LRP1B: variants seen among roughly 807,000 people sequenced by gnomAD.
LRP1B encodes LDL receptor related protein 1B.
LRP1B carries 217 observed loss-of-function variants against 556.6 expected under a neutral mutation model. That is an observed-to-expected ratio of 0.39 (90% confidence interval 0.35 to 0.44). LRP1B has a LOEUF of 0.44. Ranked by LOEUF, LRP1B falls within the 20% of genes least tolerant of loss-of-function variation. LRP1B has a pLI of 1.00. For synonymous variants in LRP1B, 2,047 were observed against 1,865.8 expected (o/e 1.10, Z -2.50); for missense variants, 5,053 against 5,620.8 (o/e 0.90, Z 3.23).
At chr2:140,841,883 C>T (rs1230321199) in intron 29 of LRP1B, among the ~76,000 whole-genome samples, 6 of 151,614 alleles carry the variant, frequency 4.0e-5, no homozygotes, top group Non-Finnish European at 8.8e-5. Context: ...GAAATATTAA[C>T]ATATAAAGTA....
intron 1 of LRP1B, among the ~76,000 whole-genome samples, chr2:141,963,210 C>G (rs940932481): frequency 6.6e-6 from 1 of 151,834 alleles, no homozygotes; most frequent in African/African-American, 2.4e-5. Flanking sequence ...TATTTGAACT[C>G]TACTTCTTAC....
At chr2:140,370,676 C>T (rs2105164518) in intron 71 of LRP1B, 34 bp downstream of exon 71, 1 of 1,608,802 alleles carries the variant, frequency 6.2e-7, no homozygotes, top group Middle Eastern at 1.7e-4. Context: ...TTCATTCTCT[C>T]ATTTACAGGC....
intron 7 of LRP1B, among the ~76,000 whole-genome samples, chr2:141,186,098 A>AAAAC (rs908718361): frequency 2.6e-5 from 4 of 151,142 alleles, no homozygotes; most frequent in African/African-American, 9.7e-5. Flanking sequence ...AAAAAAAAAA[A>AAAAC]ACCAGTATGC....
intron 1 of LRP1B, among the ~76,000 whole-genome samples, chr2:141,846,593 T>C (rs1340881116): frequency 6.6e-6 from 1 of 151,560 alleles, no homozygotes; most frequent in Non-Finnish European, 1.5e-5. Context: ...ATAAAACATA[T>C]TTATACAAAT....
chr2:141,693,018 G>A (rs1691603336), intron 2 of LRP1B, among the ~76,000 whole-genome samples: 1 of 151,972 alleles, frequency 6.6e-6, no homozygotes, highest in Non-Finnish European at 1.5e-5. Context: ...TTTCAAGAGG[G>A]TGCTAGAAGA....
At chr2:142,072,392 A>G (rs76093575) in intron 1 of LRP1B, among the ~76,000 whole-genome samples, 6,370 of 151,992 alleles carry the variant, frequency 0.042, 218 homozygotes, top group Non-Finnish European at 0.057. Flanking sequence ...TGAATGAGCT[A>G]TGCTCTCTTA....
At position 141,775,960 on chromosome 2, in the gene LRP1B, A is replaced by G. The variant is rs991849757; in HGVS notation, c.205+34319T>C. ...TGGGTTCACACCATTCTCCTGCCTC[A>G]GCCTCCCAAGTAGCTGGGACTACAG... On this transcript the variant is annotated intron_variant, in intron 2 of 90. Coordinates refer to ENST00000389484, the MANE Select transcript of LRP1B (RefSeq NM_018557.3). Among the ~76,000 whole-genome samples the G allele has an allele frequency of 4.6e-5, 7 of 150,960 alleles. No individual in the cohort carries two copies. The South Asian group carries it at 1.5e-3, about 32-fold the overall frequency.
chr2:141,155,120 C>T (rs1250048905), intron 7 of LRP1B, among the ~76,000 whole-genome samples: 3 of 151,840 alleles, frequency 2.0e-5, no homozygotes, highest in Non-Finnish European at 4.4e-5. Context: ...ATAATATAAT[C>T]TGACCACTTG....
At chr2:141,748,271 G>T (rs927617071) in intron 2 of LRP1B, among the ~76,000 whole-genome samples, 12 of 152,048 alleles carry the variant, frequency 7.9e-5, no homozygotes, top group Non-Finnish European at 1.6e-4. Context: ...GTATTTTATA[G>T]AATTTTTGTG....
At chr2:141,374,580 T>A (rs1187305766) in intron 3 of LRP1B, among the ~76,000 whole-genome samples, 1 of 152,204 alleles carries the variant, frequency 6.6e-6, no homozygotes, top group African/African-American at 2.4e-5. Context: ...TTTATCCTTT[T>A]TTCCTTATTT....
At chr2:141,481,489 G>A (rs539705887) in intron 2 of LRP1B, among the ~76,000 whole-genome samples, 1 of 152,224 alleles carries the variant, frequency 6.6e-6, no homozygotes, top group East Asian at 1.9e-4. Context: ...GACACACTTA[G>A]GTTTTAATCA....
At chr2:140,286,130 T>C (rs1363248204) in intron 84 of LRP1B, among the ~76,000 whole-genome samples, 3 of 151,920 alleles carry the variant, frequency 2.0e-5, no homozygotes, top group Non-Finnish European at 4.4e-5. Context: ...GTAGATGCTC[T>C]ACTAATATTT....
rs1000571174 is a variant in LRP1B, at chr2:141,794,499, A to G, written c.205+15780T>C. ...ATCTACCTGAAGCAACTCTTCAGGT[A>G]TGAGTTTCTACAAATGAGCATAAAT... is the stretch of plus-strand genomic sequence containing the variant. On this transcript the variant is annotated intron_variant, in intron 2 of 90. Transcript: ENST00000389484. 1.4e-4 allele frequency among the ~76,000 whole-genome samples: 21 copies of G among 151,974 alleles called. 1 individual carries two copies. Among genetic ancestry groups the G allele is most frequent in the Admixed American group, 7.9e-4 (12 of 15,204 alleles).
At chr2:141,848,490 A>G (rs1697732283) in intron 1 of LRP1B, among the ~76,000 whole-genome samples, 1 of 151,608 alleles carries the variant, frequency 6.6e-6, no homozygotes, top group East Asian at 1.9e-4. Context: ...GACTCTATAA[A>G]TAATATGTGG....
At chr2:140,362,912 T>A (rs1433475901) in intron 72 of LRP1B, among the ~76,000 whole-genome samples, 1 of 151,620 alleles carries the variant, frequency 6.6e-6, no homozygotes, top group Non-Finnish European at 1.5e-5. Context: ...TTCACTTCTT[T>A]CATCATTATA....
chr2:140,857,019 G>A (rs908088948), intron 27 of LRP1B, among the ~76,000 whole-genome samples: 1 of 152,132 alleles, frequency 6.6e-6, no homozygotes, highest in Admixed American at 6.5e-5. Flanking sequence ...CAAGACTGAT[G>A]TGTGCTCTGG....
intron 35 of LRP1B, among the ~76,000 whole-genome samples, chr2:140,730,644 C>T (rs140608435): frequency 1.3e-5 from 2 of 152,244 alleles, no homozygotes; most frequent in African/African-American, 4.8e-5. Flanking sequence ...ACTGCAACCT[C>T]TGCCTCCCAG....
intron 3 of LRP1B, among the ~76,000 whole-genome samples, chr2:141,476,548 C>T (rs945396448): frequency 6.6e-6 from 1 of 152,100 alleles, no homozygotes; most frequent in Non-Finnish European, 1.5e-5. Context: ...TTTCTACATG[C>T]AAGTACCCCC....
intron 11 of LRP1B, among the ~76,000 whole-genome samples, chr2:141,044,558 TCAAA>T (rs1698809094): frequency 6.7e-6 from 1 of 149,070 alleles, no homozygotes. Context: ...TACAATGAAC[TCAAA>T]CAAATTTACA....
Sources: allele counts gnomAD v4.1 joint callset (sites outside exome capture counted in the v4.1 genomes callset), GRCh38; gene constraint gnomAD v4.1.1; transcripts MANE v1.5; gene names NCBI Gene and HGNC (gene_info 2026-07-23, HGNC 2026-07-21).